Variants in PLCB1 observed in about 807,000 individuals in gnomAD.
PLCB1 encodes the protein 1-phosphatidylinositol 4,5-bisphosphate phosphodiesterase beta-1.
PLCB1 carries 46 observed loss-of-function variants against 161.8 expected under a neutral mutation model. The ratio of observed to expected loss-of-function variants is 0.28; its 90% CI spans 0.22 to 0.36. The LOEUF (loss-of-function observed/expected upper bound fraction) is 0.36. PLCB1 is among the 10% of genes least tolerant of loss of function. PLCB1 has a pLI of 1.00. For missense variants in PLCB1, 1,016 were observed against 1,472.5 expected, an observed-to-expected ratio of 0.69 and a Z score of 5.07; for synonymous variants, 517 against 503.7, an observed-to-expected ratio of 1.03 and a Z score of -0.35.
intron 1 of PLCB1, among the ~76,000 whole-genome samples, chr20:8,137,540 T>C (rs1447096581): frequency 2.0e-5 from 3 of 152,238 alleles, no homozygotes; most frequent in African/African-American, 7.2e-5. Context: ...CAATAATTAC[T>C]GTAATCTAAG....
In PLCB1 at chr20:8,472,427, A is replaced by G. The variant is rs114613495; in HGVS notation, c.246+100977A>G. Among the ~76,000 whole-genome samples the G allele has an allele frequency of 9.6e-3, 1,456 of 152,310 alleles. 25 individuals carry two copies. The highest frequency in any genetic ancestry group is 0.033 in the African/African-American group (1,352 of 41,556). ...CTGTGAAGTAGAAGCCAGATGATGG[A>G]TAAGTCAAGCCCCAATATAATAAAG... On this transcript the variant is annotated intron_variant, in intron 3 of 31. Transcript: ENST00000338037.
chr20:8,628,552 A>G (rs1346765451), intron 4 of PLCB1, 121 bp downstream of exon 4: 4 of 986,002 alleles, frequency 4.1e-6, no homozygotes, highest in African/African-American at 1.6e-5. Context: ...TTTCACCTAA[A>G]AATAATTCAG....
chr20:8,285,612 T>C (rs1983081112), intron 2 of PLCB1, among the ~76,000 whole-genome samples: 1 of 152,188 alleles, frequency 6.6e-6, no homozygotes, highest in Admixed American at 6.5e-5. Context: ...GACTGGTCTC[T>C]GTATCAGGTA....
In PLCB1 at chr20:8,340,719, C is replaced by T. The variant is rs568049086; in HGVS notation, c.178-30663C>T. 4.6e-5 allele frequency among the ~76,000 whole-genome samples: 7 copies of T among 152,246 alleles called. 1 individual carries two copies. The South Asian group carries it at 8.3e-4, about 18-fold the overall frequency. ...GATTACAGGCGTGAGCCACCGCGCC[C>T]GGCCAAATTCTAGTTTTAACACATA... On this transcript the variant is annotated intron_variant, in intron 2 of 31. Transcript: ENST00000338037.
In PLCB1 at chr20:8,474,894, T is replaced by G. The variant is rs374706142; in HGVS notation, c.246+103444T>G. ...CTTCACCCTCCTCATTCCATAATAT[T>G]CTGCTGCTTTCACCTGAAGTTCGCC... On this transcript the variant is annotated intron_variant, in intron 3 of 31. Transcript: ENST00000338037. Among the ~76,000 whole-genome samples, 3 of 152,244 alleles carry G rather than the reference T, an allele frequency of 2.0e-5. No homozygotes were observed. The South Asian group carries it at 6.2e-4, about 32-fold the overall frequency.
intron 2 of PLCB1, among the ~76,000 whole-genome samples, chr20:8,303,017 G>T (rs1983978326): frequency 6.6e-6 from 1 of 152,172 alleles, no homozygotes; most frequent in Non-Finnish European, 1.5e-5. Context: ...AGGGATCAAT[G>T]ACAAAGCTTT....
At chr20:8,551,886 A>G (rs773794172) in intron 3 of PLCB1, among the ~76,000 whole-genome samples, 2 of 152,106 alleles carry the variant, frequency 1.3e-5, no homozygotes, top group African/African-American at 2.4e-5. Flanking sequence ...ATGCCTTTGG[A>G]TTTCTGTAAA....
chr20:8,262,136 C>G (rs1010196960), intron 2 of PLCB1, among the ~76,000 whole-genome samples: 17 of 152,102 alleles, frequency 1.1e-4, no homozygotes, highest in African/African-American at 4.1e-4. Context: ...GTGGCATGAT[C>G]TCAGCTAACT....
At chr20:8,789,899 G>A (rs192248950) in intron 30 of PLCB1, among the ~76,000 whole-genome samples, 2 of 152,104 alleles carry the variant, frequency 1.3e-5, no homozygotes, top group Admixed American at 6.6e-5. Context: ...TCGAAGGGCT[G>A]TCCTTTTTTT....
chr20:8,340,425 TTTTG>T (rs912530674), intron 2 of PLCB1, among the ~76,000 whole-genome samples: 9 of 152,118 alleles, frequency 5.9e-5, no homozygotes, highest in Non-Finnish European at 1.0e-4. Context: ...TTTTTTTTGT[TTTTG>T]TTTTTGTTTT....
intron 9 of PLCB1, 126 bp downstream of exon 9, chr20:8,658,830 T>C (rs1023770676): frequency 8.2e-6 from 6 of 735,282 alleles, no homozygotes; most frequent in Non-Finnish European, 1.3e-5. Flanking sequence ...TTCCTTTCGG[T>C]CTGAAATCAC....
At chr20:8,491,222 C>T (rs1982933097) in intron 3 of PLCB1, among the ~76,000 whole-genome samples, 1 of 151,746 alleles carries the variant, frequency 6.6e-6, no homozygotes, top group South Asian at 2.1e-4. Context: ...TTGAGTCATT[C>T]CATCTATGAG....
intron 26 of PLCB1, among the ~76,000 whole-genome samples, chr20:8,769,938 A>C (rs970266586): frequency 2.0e-5 from 3 of 152,270 alleles, no homozygotes; most frequent in African/African-American, 7.2e-5. Context: ...AAAAGTAATA[A>C]AATCATCTCT....
chr20:8,443,880 G>A (rs1264586104), intron 3 of PLCB1, among the ~76,000 whole-genome samples: 1 of 152,048 alleles, frequency 6.6e-6, no homozygotes, highest in Non-Finnish European at 1.5e-5. Context: ...TTCCAGTCCA[G>A]GGGTCACAAT....
At chr20:8,755,470 T>G (rs1981690749) in intron 23 of PLCB1, among the ~76,000 whole-genome samples, 1 of 152,282 alleles carries the variant, frequency 6.6e-6, no homozygotes, top group Middle Eastern at 3.4e-3. Flanking sequence ...TGGAAGGCAA[T>G]TCTGATAAAG....
chr20:8,807,592 A>G (rs949617028), intron 31 of PLCB1, among the ~76,000 whole-genome samples: 1 of 151,692 alleles, frequency 6.6e-6, no homozygotes, highest in African/African-American at 2.4e-5. Context: ...TTCAACCAAT[A>G]GTTATTAAAT....
In PLCB1 at chr20:8,717,466, A is replaced by C. The variant is rs3859675; in HGVS notation, c.1336-205A>C. Among the ~76,000 whole-genome samples the C allele has an allele frequency of 0.89, 135,291 of 151,806 alleles. 60,353 individuals carry two copies. Among genetic ancestry groups the C allele is most frequent in the East Asian group, 0.99 (5,135 of 5,168 alleles). On this transcript the variant is annotated intron_variant, in intron 13 of 31. Coordinates refer to ENST00000338037, the MANE Select transcript of PLCB1 (RefSeq NM_015192.4). ...GGTCTTCTTCATGTAGAATATGTTG[A>C]AAAAAAAAGTATAGTAATGAAAATA...
chr20:8,797,368 CA>C (rs1984078319), intron 31 of PLCB1, among the ~76,000 whole-genome samples: 1 of 151,632 alleles, frequency 6.6e-6, no homozygotes, highest in South Asian at 2.1e-4. Context: ...ATCATGAAAG[CA>C]AATATGGCTT....
In PLCB1 at chr20:8,737,197, G is replaced by T; in HGVS notation, c.2208+5G>T. ...GAACCTATTGTGTTCAAAAAGGTTG[G>T]TCACATGTTCTTGATATGAGTTATA... On this transcript the variant is annotated splice_donor_5th_base_variant and intron_variant, in intron 20 of 31. Coordinates refer to ENST00000338037, the MANE Select transcript of PLCB1 (RefSeq NM_015192.4). The T allele has an allele frequency of 6.2e-7, 1 of 1,611,682 alleles. No homozygotes were observed.
Sources: allele counts gnomAD v4.1 joint callset (sites outside exome capture counted in the v4.1 genomes callset), GRCh38; gene constraint gnomAD v4.1.1; transcripts MANE v1.5; gene names NCBI Gene and HGNC (gene_info 2026-07-23, HGNC 2026-07-21).